The following NUMB variants were observed in gnomAD, a reference collection of about 807,000 sequenced individuals.
The protein encoded by NUMB is protein numb homolog.
A neutral mutation model predicts 59.7 loss-of-function variants in NUMB; 29 were observed. The ratio of observed to expected loss-of-function variants is 0.49; its 90% CI spans 0.36 to 0.66. The LOEUF is 0.66. Ranked by LOEUF, NUMB falls within the 30% of genes least tolerant of loss-of-function variation. The pLI, the probability that NUMB is intolerant of heterozygous loss-of-function variation, is 0.00. For synonymous variants in NUMB, 288 were observed against 288.2 expected (o/e 1.00, Z 0.01); for missense variants, 723 against 822.0 (o/e 0.88, Z 1.47).
At chr14:73,434,016 C>A (rs764904673) in intron 1 of NUMB, among the ~76,000 whole-genome samples, 2 of 152,170 alleles carry the variant, frequency 1.3e-5, no homozygotes, top group African/African-American at 4.8e-5. Context: ...TCGCTTAGAA[C>A]CTGGGAGGCG....
At chr14:73,381,588 AC>A (rs1895247738) in intron 2 of NUMB, among the ~76,000 whole-genome samples, 1 of 152,186 alleles carries the variant, frequency 6.6e-6, no homozygotes, top group Non-Finnish European at 1.5e-5. Flanking sequence ...GCTGTCCTTG[AC>A]CATCCCCCAC....
intron 1 of NUMB, among the ~76,000 whole-genome samples, chr14:73,423,168 A>G (rs1198614671): frequency 6.6e-6 from 1 of 152,132 alleles, no homozygotes; most frequent in Non-Finnish European, 1.5e-5. Context: ...ATGGCAATAC[A>G]GATAAAAAGG....
rs969658386 is a variant in NUMB at position 73,323,109 on chromosome 14, T to G, written c.201+21A>C. On this transcript the variant is annotated intron_variant, in intron 5 of 12. Transcript: ENST00000555238. ...ATATTGATAGCATATAGATCAACAC[T>G]GGCAACCATCAAATACATACAGCTT... The G allele has an allele frequency of 8.2e-6, 13 of 1,584,686 alleles. No individual in the cohort carries two copies. The African/African-American group carries it at 1.7e-4, about 21-fold the overall frequency.
intron 3 of NUMB, among the ~76,000 whole-genome samples, chr14:73,357,890 C>CAA (rs1555374390): frequency 5.7e-5 from 8 of 140,664 alleles, no homozygotes; most frequent in African/African-American, 2.1e-4. Flanking sequence ...AGGCCCCCCC[C>CAA]AAAAAAAAAA....
At chr14:73,338,399 A>G (rs1892461920) in intron 4 of NUMB, among the ~76,000 whole-genome samples, 1 of 152,160 alleles carries the variant, frequency 6.6e-6, no homozygotes, top group African/African-American at 2.4e-5. Flanking sequence ...CCAGAATCTG[A>G]CCCTGTCTTA....
At position 73,417,656 on chromosome 14, in the gene NUMB, T is replaced by C. The variant is rs537579054; in HGVS notation, c.-232-7588A>G. Among the ~76,000 whole-genome samples the C allele has an allele frequency of 5.9e-5, 9 of 152,312 alleles. No homozygotes were observed. In the South Asian group the frequency reaches 1.7e-3, roughly 28 times the overall value. ...ACTCAAATTAAACATAGAATCACTA[T>C]ATATTCTAGCAATTCCATTTCTAGG... On this transcript the variant is annotated intron_variant, in intron 1 of 12. Transcript: ENST00000555238.
chr14:73,413,841 AAC>A (rs755713762), intron 1 of NUMB, among the ~76,000 whole-genome samples: 6 of 152,264 alleles, frequency 3.9e-5, no homozygotes, highest in East Asian at 1.9e-4. Flanking sequence ...ATGTATGCTA[AAC>A]ACAGTGATAC....
chr14:73,416,351 A>C (rs1241686175), intron 1 of NUMB, among the ~76,000 whole-genome samples: 1 of 145,100 alleles, frequency 6.9e-6, no homozygotes, highest in African/African-American at 2.5e-5. Context: ...TTTTTTTACT[A>C]GAATCACTAT....
chr14:73,356,469 C>T lies in NUMB; in HGVS notation c.-15-703G>A, dbSNP rs190210209. Among the ~76,000 whole-genome samples the T allele has an allele frequency of 1.3e-4, 20 of 152,198 alleles. No homozygotes were observed. In the East Asian group the frequency reaches 3.9e-3, roughly 29 times the overall value. ...ACCAGCCTGGCCAACATGGCAAAACCCCGCCTCTACTAAAACTACAAAAAT... is the reference window on the plus strand; with the variant it reads ...ACCAGCCTGGCCAACATGGCAAAACTCCGCCTCTACTAAAACTACAAAAAT... On this transcript the variant is annotated intron_variant, in intron 3 of 12. Coordinates refer to ENST00000555238, the MANE Select transcript of NUMB (RefSeq NM_001005743.2).
At chr14:73,354,566 C>A (rs1242577581) in intron 4 of NUMB, among the ~76,000 whole-genome samples, 1 of 148,602 alleles carries the variant, frequency 6.7e-6, no homozygotes, top group Non-Finnish European at 1.5e-5. Flanking sequence ...GTGGCTCAGG[C>A]CTGTAATCCC....
At chr14:73,410,614 C>G (rs1896854707) in intron 1 of NUMB, among the ~76,000 whole-genome samples, 1 of 152,200 alleles carries the variant, frequency 6.6e-6, no homozygotes, top group Non-Finnish European at 1.5e-5. Context: ...GTCCTTCCTA[C>G]ATTTTTGGTG....
At chr14:73,395,818 C>T (rs919959352) in intron 2 of NUMB, among the ~76,000 whole-genome samples, 14 of 151,914 alleles carry the variant, frequency 9.2e-5, no homozygotes, top group Non-Finnish European at 1.9e-4. Context: ...CTCAACTGTC[C>T]TCTTTGAAAA....
rs192412771 is a variant in NUMB at position 73,291,230 on chromosome 14, G to A, written c.450+1504C>T. Among the ~76,000 whole-genome samples, 826 of 151,324 alleles carry A rather than the reference G, an allele frequency of 5.5e-3. 25 individuals are homozygous for A. Among genetic ancestry groups the A allele is most frequent in the Admixed American group, 0.051 (769 of 15,168 alleles). On this transcript the variant is annotated intron_variant, in intron 8 of 12. Coordinates refer to ENST00000555238, the MANE Select transcript of NUMB (RefSeq NM_001005743.2). ...TGAATAACTGGGATTACAAGCACCCGCCACCACAGCCGGCTAATTTTTGTA... is the reference window on the plus strand; with the variant it reads ...TGAATAACTGGGATTACAAGCACCCACCACCACAGCCGGCTAATTTTTGTA...
intron 2 of NUMB, among the ~76,000 whole-genome samples, chr14:73,370,798 T>C (rs554741809): frequency 6.6e-6 from 1 of 152,374 alleles, no homozygotes; most frequent in Admixed American, 6.5e-5. Flanking sequence ...TTAAATAATT[T>C]TTTGTCATTT....
chr14:73,364,241 C>G (rs1894227777), intron 3 of NUMB, among the ~76,000 whole-genome samples: 1 of 152,048 alleles, frequency 6.6e-6, no homozygotes, highest in Non-Finnish European at 1.5e-5. Flanking sequence ...TGGCTCAAGC[C>G]TGTGCCACCG....
intron 1 of NUMB, among the ~76,000 whole-genome samples, chr14:73,413,750 C>T (rs537072385): frequency 6.6e-6 from 1 of 152,074 alleles, no homozygotes; most frequent in South Asian, 2.1e-4. Context: ...ACTCTACACT[C>T]TAGCCCGAGT....
At chr14:73,277,391 G>A (rs762007035) in intron 12 of NUMB, 98 bp from the exon 13 acceptor site, 15 of 954,356 alleles carry the variant, frequency 1.6e-5, no homozygotes, top group Non-Finnish European at 2.1e-5. Context: ...TGTACAACAT[G>A]TCCCCCCCTA....
At chr14:73,387,700 T>C (rs1363213924) in intron 2 of NUMB, among the ~76,000 whole-genome samples, 3 of 144,110 alleles carry the variant, frequency 2.1e-5, no homozygotes, top group South Asian at 4.3e-4. Context: ...GCTACTGCAC[T>C]CCAGCCTGGG....
chr14:73,316,422 C>T lies in NUMB; in HGVS notation c.202G>A (p.Glu68Lys), dbSNP rs1466966611. ...AAGAAGCCTTTGAAGAACTTCCTTT[C>T]CTGGAGGAACAGGGGGACAAGTCGA... ...CEDAVKRLKA[E>K]RKFFKGFFGK... is the part of the protein sequence containing the mutation. The change falls in exon 6 of 13, where the codon GAA (glutamate) becomes AAA (lysine). Residue 68 changes from glutamate to lysine, a missense_variant and splice_region_variant. This residue lies in a region of NUMB where 317 missense variants were observed against 436.6 expected (regional missense o/e 0.73). Coordinates refer to ENST00000555238, the MANE Select transcript of NUMB (RefSeq NM_001005743.2). 2 of 1,613,626 alleles carry T rather than the reference C, an allele frequency of 1.2e-6. No individual in the cohort carries two copies. The highest frequency in any genetic ancestry group is 1.7e-6 in the Non-Finnish European group (2 of 1,179,754).
Sources: allele counts gnomAD v4.1 joint callset (sites outside exome capture counted in the v4.1 genomes callset), GRCh38; gene constraint gnomAD v4.1.1; regional missense constraint gnomAD v4.1.1; transcripts MANE v1.5; gene names NCBI Gene and HGNC (gene_info 2026-07-23, HGNC 2026-07-21).